The following MTMR8 variants were observed in gnomAD, a reference collection of about 807,000 sequenced individuals.
MTMR8 encodes myotubularin related protein 8.
Under a neutral mutation model 39.3 loss-of-function variants are expected in MTMR8, and 65 were observed. The ratio of observed to expected loss-of-function variants is 1.65; its 90% CI spans 1.35 to 2.03. MTMR8 has a LOEUF of 2.03. Ranked by LOEUF, MTMR8 falls within the 30% of genes most tolerant of loss-of-function variation. MTMR8 has a pLI of 0.00. For synonymous variants in MTMR8, 245 were observed against 185.2 expected, an observed-to-expected ratio of 1.32 and a Z score of -2.62; for missense variants, 777 against 538.9, an observed-to-expected ratio of 1.44 and a Z score of -4.37.
At chrX:64,351,216 T>A (rs756119899) in intron 4 of MTMR8, among the ~76,000 whole-genome samples, 6 of 110,629 alleles carry the variant, frequency 5.4e-5, no homozygotes, top group Non-Finnish European at 1.1e-4. Context: ...GTGGACAGAT[T>A]TCACCCCCAA....
intron 12 of MTMR8, among the ~76,000 whole-genome samples, chrX:64,290,588 A>C (rs1346981351): frequency 9.0e-6 from 1 of 110,742 alleles, no homozygotes; most frequent in Non-Finnish European, 1.9e-5. Context: ...GCTCTCCTTT[A>C]GTAGCCACAC....
At chrX:64,326,959 GA>G (rs1168427645) in intron 12 of MTMR8, among the ~76,000 whole-genome samples, 1 of 108,091 alleles carries the variant, frequency 9.3e-6, no homozygotes, top group Non-Finnish European at 1.9e-5. Flanking sequence ...AAATGGTGCT[GA>G]AAAAAAAATG....
At chrX:64,327,103 A>G (rs1418922116) in intron 12 of MTMR8, among the ~76,000 whole-genome samples, 1 of 111,770 alleles carries the variant, frequency 8.9e-6, no homozygotes, top group Non-Finnish European at 1.9e-5. Context: ...TAGGGAAAAC[A>G]CTTCATAATA....
chrX:64,302,556 G>A (rs1289190509), intron 12 of MTMR8, among the ~76,000 whole-genome samples: 1 of 112,238 alleles, frequency 8.9e-6, no homozygotes, highest in Non-Finnish European at 1.9e-5. Flanking sequence ...GCTGTAGACC[G>A]GAGCTGTTCC....
chrX:64,297,614 T>G (rs1244689934), intron 12 of MTMR8, among the ~76,000 whole-genome samples: 13 of 92,427 alleles, frequency 1.4e-4, no homozygotes, highest in African/African-American at 4.4e-4. Flanking sequence ...TTTTGGCTTT[T>G]GTTGCCATTG....
intron 1 of MTMR8, among the ~76,000 whole-genome samples, chrX:64,367,824 C>G (rs1245671199): frequency 9.0e-6 from 1 of 111,561 alleles, no homozygotes; most frequent in Non-Finnish European, 1.9e-5. Context: ...CAAATTGTCC[C>G]TGTTTGCAGA....
intron 1 of MTMR8, among the ~76,000 whole-genome samples, chrX:64,363,649 C>A (rs1414250765): frequency 1.8e-5 from 2 of 111,992 alleles, no homozygotes; most frequent in Non-Finnish European, 3.8e-5. Flanking sequence ...GGAACAGCTA[C>A]AGTCTGCAGC....
intron 12 of MTMR8, among the ~76,000 whole-genome samples, chrX:64,277,996 T>A (rs1204082500): frequency 1.8e-5 from 2 of 109,062 alleles, no homozygotes; most frequent in African/African-American, 6.7e-5. Flanking sequence ...ATCTCTGATA[T>A]CTTTTCTTCT....
chrX:64,275,648 C>CAAAAAAA, intron 12 of MTMR8, among the ~76,000 whole-genome samples: 1 of 40,707 alleles, frequency 2.5e-5, no homozygotes, highest in Middle Eastern at 0.014. Context: ...GAGTCTCTCT[C>CAAAAAAA]AAAAAAAAAA....
intron 1 of MTMR8, among the ~76,000 whole-genome samples, chrX:64,366,546 C>A (rs1256346198): frequency 5.4e-5 from 6 of 111,929 alleles, no homozygotes; most frequent in Non-Finnish European, 9.4e-5. Flanking sequence ...TAAAGATGTT[C>A]TTTGAAACCA....
intron 1 of MTMR8, among the ~76,000 whole-genome samples, chrX:64,359,813 C>G (rs1923729713): frequency 1.8e-5 from 2 of 108,187 alleles, no homozygotes; most frequent in African/African-American, 6.7e-5. Flanking sequence ...AACCTGAGAG[C>G]CTGCTGAGGT....
intron 12 of MTMR8, among the ~76,000 whole-genome samples, chrX:64,327,799 T>A (rs762868055): frequency 1.8e-4 from 20 of 111,433 alleles, no homozygotes; most frequent in Non-Finnish European, 3.6e-4. Flanking sequence ...TATGGATGAA[T>A]TGAGAAGGAG....
intron 12 of MTMR8, among the ~76,000 whole-genome samples, chrX:64,314,634 G>C (rs139082031): frequency 0.011 from 1,261 of 112,964 alleles, 24 homozygotes; most frequent in African/African-American, 0.037. Flanking sequence ...GTAGTGAACT[G>C]CTGCTGGCAG....
chrX:64,338,323 T>C (rs1923129094), intron 8 of MTMR8, among the ~76,000 whole-genome samples: 1 of 110,303 alleles, frequency 9.1e-6, no homozygotes, highest in Non-Finnish European at 1.9e-5. Context: ...CAATGAAAAA[T>C]AAAAGGGGAA....
intron 4 of MTMR8, among the ~76,000 whole-genome samples, chrX:64,353,673 G>T (rs1371669175): frequency 1.8e-5 from 2 of 111,623 alleles, no homozygotes; most frequent in African/African-American, 6.5e-5. Context: ...ATTGGCCAGG[G>T]GTGGTGGTTC....
At chrX:64,327,922 C>T (rs1431037737) in intron 12 of MTMR8, among the ~76,000 whole-genome samples, 1 of 112,111 alleles carries the variant, frequency 8.9e-6, no homozygotes, top group Non-Finnish European at 1.9e-5. Context: ...GCGAAATAAG[C>T]CAGCCACACA....
chrX:64,294,509 G>A (rs571082511), intron 12 of MTMR8, among the ~76,000 whole-genome samples: 1 of 111,979 alleles, frequency 8.9e-6, no homozygotes, highest in Middle Eastern at 4.6e-3. Context: ...TGTCTCTGAG[G>A]TTATCACAAC....
intron 1 of MTMR8, among the ~76,000 whole-genome samples, chrX:64,384,494 G>A (rs191622356): frequency 2.7e-5 from 3 of 112,034 alleles, no homozygotes; most frequent in African/African-American, 9.7e-5. Flanking sequence ...CCTGTAGCAG[G>A]CTTCTGCCTG....
At position 64,331,390 on chromosome X, in the gene MTMR8, A is replaced by G. The variant is rs778975024; in HGVS notation, c.1352+167T>C. ...ACAGATGAGATATCTTAGGGTTCTG[A>G]GAGATCTCTGTGCAAACATTGAGTG... On this transcript the variant is annotated intron_variant, in intron 11 of 13. Coordinates refer to ENST00000374852, the MANE Select transcript of MTMR8 (RefSeq NM_017677.4). 3.3e-5 allele frequency: 15 copies of G among 454,340 alleles called. 1 individual carries two copies. In the South Asian group the frequency reaches 5.1e-4, roughly 16 times the overall value. 37.4% of individuals were successfully genotyped at this position (454,340 alleles called of 1,213,427 possible).
Sources: allele counts gnomAD v4.1 joint callset (sites outside exome capture counted in the v4.1 genomes callset), GRCh38; gene constraint gnomAD v4.1.1; transcripts MANE v1.5; gene names NCBI Gene and HGNC (gene_info 2026-07-23, HGNC 2026-07-21).